NALF1: variants seen among roughly 807,000 people sequenced by gnomAD.
NALF1 encodes family with sequence similarity 155 member A.
NALF1 carries 3 observed loss-of-function variants against 48.4 expected under a neutral mutation model. The ratio of observed to expected loss-of-function variants is 0.06; its 90% CI spans 0.03 to 0.16. The LOEUF is 0.16. Among genes scored for constraint, NALF1 ranks in the 10% least tolerant of loss-of-function variants. The probability of loss-of-function intolerance (pLI) is 1.00; values close to 1 mark genes in which losing one functional copy is unlikely to be tolerated. For synonymous variants in NALF1, 262 were observed against 245.7 expected (o/e 1.07, Z -0.62); for missense variants, 526 against 571.5 (o/e 0.92, Z 0.81).
At chr13:107,607,905 C>A (rs1461335216) in intron 1 of NALF1, among the ~76,000 whole-genome samples, 1 of 152,170 alleles carries the variant, frequency 6.6e-6, no homozygotes, top group East Asian at 1.9e-4. Flanking sequence ...TAAATCCATT[C>A]CCCTAATCTT....
At chr13:107,758,369 T>C (rs1877174004) in intron 1 of NALF1, among the ~76,000 whole-genome samples, 1 of 152,228 alleles carries the variant, frequency 6.6e-6, no homozygotes, top group African/African-American at 2.4e-5. Flanking sequence ...TTTTTAATTT[T>C]CATATATTAA....
intron 1 of NALF1, among the ~76,000 whole-genome samples, chr13:107,777,657 C>G (rs1362948907): frequency 6.6e-6 from 1 of 152,290 alleles, no homozygotes; most frequent in Non-Finnish European, 1.5e-5. Context: ...AATGCTGGAG[C>G]TATGCTTCCT....
At chr13:107,614,419 T>G (rs1203953901) in intron 1 of NALF1, among the ~76,000 whole-genome samples, 1 of 152,166 alleles carries the variant, frequency 6.6e-6, no homozygotes, top group Non-Finnish European at 1.5e-5. Context: ...GCATCTTAGG[T>G]CTTTTACTTA....
chr13:107,535,724 T>C (rs996470899), intron 1 of NALF1, among the ~76,000 whole-genome samples: 4 of 152,152 alleles, frequency 2.6e-5, no homozygotes, highest in African/African-American at 4.8e-5. Flanking sequence ...TGGAAAAAAC[T>C]ACTTTAAAGT....
chr13:107,607,681 C>T (rs976078709), intron 1 of NALF1, among the ~76,000 whole-genome samples: 4 of 152,146 alleles, frequency 2.6e-5, no homozygotes, highest in Non-Finnish European at 4.4e-5. Flanking sequence ...AATAATGCCT[C>T]GGAGTTGAGA....
At chr13:107,575,987 T>C (rs1044506880) in intron 1 of NALF1, among the ~76,000 whole-genome samples, 2 of 89,362 alleles carry the variant, frequency 2.2e-5, no homozygotes, top group Non-Finnish European at 6.6e-5. Flanking sequence ...CATATGTGTG[T>C]GTGCATGTAT....
chr13:107,798,987 T>G (rs2138594425), intron 1 of NALF1, among the ~76,000 whole-genome samples: 1 of 152,338 alleles, frequency 6.6e-6, no homozygotes, highest in Admixed American at 6.5e-5. Flanking sequence ...TAGTCTCATT[T>G]TAGAGAAATA....
intron 1 of NALF1, among the ~76,000 whole-genome samples, chr13:107,410,301 G>A (rs1883967728): frequency 6.6e-6 from 1 of 152,026 alleles, no homozygotes. Context: ...ACACCCTGCA[G>A]GTTTTTCCTT....
At chr13:107,378,184 G>A (rs982888749) in intron 1 of NALF1, among the ~76,000 whole-genome samples, 5 of 152,114 alleles carry the variant, frequency 3.3e-5, no homozygotes, top group African/African-American at 1.2e-4. Flanking sequence ...CATTCTGTAT[G>A]ATGCTAGAGA....
At chr13:107,368,045 T>C (rs944746859) in intron 1 of NALF1, among the ~76,000 whole-genome samples, 2 of 152,188 alleles carry the variant, frequency 1.3e-5, no homozygotes, top group African/African-American at 4.8e-5. Context: ...ATATAAAATA[T>C]GTGGTTCTGT....
chr13:107,559,184 C>G (rs947583300), intron 1 of NALF1, among the ~76,000 whole-genome samples: 1 of 152,182 alleles, frequency 6.6e-6, no homozygotes, highest in Admixed American at 6.5e-5. Context: ...ATGCTAAAAA[C>G]TCAGCCAGTG....
intron 1 of NALF1, among the ~76,000 whole-genome samples, chr13:107,379,109 G>A (rs1883388909): frequency 6.6e-6 from 1 of 152,194 alleles, no homozygotes; most frequent in South Asian, 2.1e-4. Flanking sequence ...CCCTTTAAAA[G>A]GAATCATTTT....
At chr13:107,275,832 G>T (rs9587335) in intron 1 of NALF1, among the ~76,000 whole-genome samples, 54,970 of 151,974 alleles carry the variant, frequency 0.36, 11,266 homozygotes, top group South Asian at 0.57. Flanking sequence ...ACTTATGATG[G>T]TGCATGAAAA....
intron 1 of NALF1, among the ~76,000 whole-genome samples, chr13:107,369,219 A>G (rs1883205913): frequency 6.6e-6 from 1 of 152,224 alleles, no homozygotes; most frequent in Admixed American, 6.5e-5. Context: ...CCCCTCCCAC[A>G]GAAGCTCATG....
intron 1 of NALF1, among the ~76,000 whole-genome samples, chr13:107,574,216 T>C (rs78205945): frequency 6.6e-6 from 1 of 152,150 alleles, no homozygotes; most frequent in Non-Finnish European, 1.5e-5. Context: ...TTCTGTTTTA[T>C]GCATCAAAAT....
chr13:107,651,784 A>T (rs558418830), intron 1 of NALF1, among the ~76,000 whole-genome samples: 1 of 152,294 alleles, frequency 6.6e-6, no homozygotes, highest in South Asian at 2.1e-4. Context: ...CTTGAGGATT[A>T]CTACAGTTCA....
chr13:107,801,681 A>T (rs1269975448), intron 1 of NALF1, among the ~76,000 whole-genome samples: 3 of 152,198 alleles, frequency 2.0e-5, no homozygotes, highest in Non-Finnish European at 4.4e-5. Flanking sequence ...CATAATATTC[A>T]GTTGGATATG....
At position 107,517,215 on chromosome 13, in the gene NALF1, C is replaced by T. The variant is rs574200287; in HGVS notation, c.916-306460G>A. 6.6e-5 allele frequency among the ~76,000 whole-genome samples: 10 copies of T among 152,070 alleles called. No individual in the cohort carries two copies. The South Asian group carries it at 1.9e-3, about 28-fold the overall frequency. On this transcript the variant is annotated intron_variant, in intron 1 of 2. Coordinates refer to ENST00000375915, the MANE Select transcript of NALF1 (RefSeq NM_001080396.3). ...GAAAATAGAGTTTAAAATATCAGAA[C>T]ATTTTATAAAATAGAGAAAATAGTC...
intron 1 of NALF1, among the ~76,000 whole-genome samples, chr13:107,680,914 G>T (rs994997282): frequency 6.7e-6 from 1 of 149,472 alleles, no homozygotes; most frequent in African/African-American, 2.5e-5. Context: ...GGTGTGAGAG[G>T]GTGTATGAGA....
Sources: gnomAD v4.1 joint callset for allele counts (sites outside exome capture counted in the v4.1 genomes callset) on GRCh38, gnomAD v4.1.1 for gene constraint, MANE v1.5 for transcripts, NCBI Gene and HGNC (gene_info 2026-07-23, HGNC 2026-07-21) for gene names.